The following STAM variants were observed in gnomAD, a reference collection of about 807,000 sequenced individuals.
The protein encoded by STAM is signal transducing adaptor molecule, also known as signal transducing adapter molecule 1.
Under a neutral mutation model 63.4 loss-of-function variants are expected in STAM, and 16 were observed. The observed-to-expected ratio is 0.25, with a 90% confidence interval of 0.17 to 0.38. The LOEUF (loss-of-function observed/expected upper bound fraction) is 0.38, where lower values mean the gene tolerates loss of function less well. Among genes scored for constraint, STAM ranks in the 10% least tolerant of loss-of-function variants. The probability of loss-of-function intolerance (pLI) is 1.00; values close to 1 mark genes in which losing one functional copy is unlikely to be tolerated. For missense variants in STAM, 636 were observed against 657.1 expected (o/e 0.97, Z 0.35); for synonymous variants, 238 against 223.9 (o/e 1.06, Z -0.56).
At chr10:17,687,921 C>T in intron 4 of STAM, 106 bp from the exon 5 acceptor site, 4 of 964,598 alleles carry the variant, frequency 4.1e-6, no homozygotes, top group South Asian at 5.3e-5. Flanking sequence ...CTATGCATAA[C>T]TTGTGATTCA....
chr10:17,646,071 T>C (rs1361837951), intron 1 of STAM, among the ~76,000 whole-genome samples: 4 of 152,256 alleles, frequency 2.6e-5, no homozygotes, highest in East Asian at 3.8e-4. Context: ...CTTGCCTTTA[T>C]GCTTTTGTCC....
chr10:17,692,103 A>G (rs1554826857), intron 5 of STAM, among the ~76,000 whole-genome samples: 2 of 152,144 alleles, frequency 1.3e-5, no homozygotes, highest in African/African-American at 4.8e-5. Flanking sequence ...TGTAGGTGCT[A>G]TTATCGTAGT....
At chr10:17,714,079 T>C (rs569685921) in intron 13 of STAM, among the ~76,000 whole-genome samples, 3 of 152,330 alleles carry the variant, frequency 2.0e-5, no homozygotes, top group East Asian at 1.9e-4. Flanking sequence ...CTAGGGAATC[T>C]ATCTGGCTCA....
intron 9 of STAM, among the ~76,000 whole-genome samples, chr10:17,703,487 A>T (rs781875033): frequency 6.6e-6 from 1 of 152,152 alleles, no homozygotes; most frequent in Non-Finnish European, 1.5e-5. Context: ...GTACCTATAT[A>T]TAGTAGCATA....
chr10:17,700,306 T>C (rs2131671535), intron 9 of STAM, 27 bp downstream of exon 9: 1 of 1,513,986 alleles, frequency 6.6e-7, no homozygotes, highest in East Asian at 2.3e-5. Context: ...GTGATAGGAG[T>C]TGGTACTTTG....
Position 17,714,618 on chromosome 10 carries a change from T to G in STAM, c.1461T>G (p.Thr487=), listed in dbSNP as rs782733683. The change falls in exon 14 of 14, where the codon ACT becomes ACG. Residue 487 remains threonine (T), a synonymous_variant. Coordinates refer to ENST00000377524, the MANE Select transcript of STAM (RefSeq NM_003473.4). ...APVYSPPPAA[T]AAAATADVTL... The stretch of plus-strand genomic sequence containing the variant: ...TATATAGTCCTCCTCCTGCCGCTAC[T>G]GCTGCTGCTGCAACTGCCGATGTCA... The G allele has an allele frequency of 2.5e-6, 4 of 1,599,356 alleles. No homozygotes were observed. In the African/African-American group the frequency reaches 5.3e-5, roughly 21 times the overall value.
intron 12 of STAM, among the ~76,000 whole-genome samples, chr10:17,706,865 A>G (rs1836308811): frequency 6.6e-6 from 1 of 152,192 alleles, no homozygotes; most frequent in Non-Finnish European, 1.5e-5. Context: ...ATGAACTTCT[A>G]GTTATCCTTA....
chr10:17,682,346 A>G (rs538536695), intron 2 of STAM, among the ~76,000 whole-genome samples: 10 of 152,316 alleles, frequency 6.6e-5, no homozygotes, highest in Admixed American at 2.0e-4. Flanking sequence ...TTGTGTTAAT[A>G]TATTACAATT....
chr10:17,680,589 T>C (rs781809428), intron 2 of STAM, among the ~76,000 whole-genome samples: 3 of 152,072 alleles, frequency 2.0e-5, no homozygotes, highest in Non-Finnish European at 4.4e-5. Flanking sequence ...AAATTTCTTG[T>C]AGAGACAGGG....
In STAM at chr10:17,648,876, G is replaced by A. The variant is rs189222644; in HGVS notation, c.40+4497G>A. 6.6e-5 allele frequency among the ~76,000 whole-genome samples: 10 copies of A among 152,184 alleles called. No individual in the cohort carries two copies. The East Asian group carries it at 1.5e-3, about 24-fold the overall frequency. On this transcript the variant is annotated intron_variant, in intron 1 of 13. Coordinates refer to ENST00000377524, the MANE Select transcript of STAM (RefSeq NM_003473.4). ...TTTTTTTATTGTGGCTCACAATATG[G>A]CTTCTTCCTGTGTGTCTGATATGAT...
chr10:17,664,198 T>G (rs1455701787), intron 2 of STAM, among the ~76,000 whole-genome samples: 1 of 152,040 alleles, frequency 6.6e-6, no homozygotes, highest in African/African-American at 2.4e-5. Context: ...AATAGAAAAT[T>G]TTAGGTTTCT....
chr10:17,650,453 T>A (rs79796581), intron 1 of STAM, among the ~76,000 whole-genome samples: 1 of 152,218 alleles, frequency 6.6e-6, no homozygotes, highest in Admixed American at 6.5e-5. Context: ...TCTTCTCAAT[T>A]ATGCTTTTTG....
chr10:17,684,665 A>T lies in STAM; in HGVS notation c.126-10A>T. ...TTATTAAGTAATTTTTACTTTTCTC[A>T]TTTTTTTAGACCTAAGGATTGTCTT... On this transcript the variant is annotated splice_polypyrimidine_tract_variant and intron_variant, in intron 2 of 13. Coordinates refer to ENST00000377524, the MANE Select transcript of STAM (RefSeq NM_003473.4). 6.2e-7 allele frequency: 1 copy of T among 1,608,348 alleles called. No homozygotes were observed. The highest frequency in any genetic ancestry group is 1.1e-5 in the South Asian group (1 of 89,768).
At chr10:17,674,609 G>A (rs1181818993) in intron 2 of STAM, among the ~76,000 whole-genome samples, 1 of 152,114 alleles carries the variant, frequency 6.6e-6, no homozygotes, top group Non-Finnish European at 1.5e-5. Flanking sequence ...AGACCCAAAT[G>A]TACTCCACAT....
At chr10:17,713,568 A>G (rs1554830302) in intron 13 of STAM, among the ~76,000 whole-genome samples, 1 of 150,836 alleles carries the variant, frequency 6.6e-6, no homozygotes, top group South Asian at 2.1e-4. Context: ...GTGAATGGCC[A>G]CTCTACCAGT....
intron 1 of STAM, among the ~76,000 whole-genome samples, chr10:17,649,885 T>A (rs1370735324): frequency 3.3e-5 from 5 of 152,214 alleles, no homozygotes; most frequent in Non-Finnish European, 7.3e-5. Context: ...AGTGCTGGGA[T>A]TACCGATGTG....
chr10:17,712,725 G>A (rs558593956), intron 13 of STAM, among the ~76,000 whole-genome samples: 6 of 152,290 alleles, frequency 3.9e-5, no homozygotes, highest in African/African-American at 1.2e-4. Context: ...CAGTGGAAAC[G>A]CATGTATTCC....
chr10:17,672,166 G>C (rs1834666591), intron 2 of STAM, among the ~76,000 whole-genome samples: 1 of 152,114 alleles, frequency 6.6e-6, no homozygotes, highest in South Asian at 2.1e-4. Context: ...TACCTTTTCA[G>C]ATAATCTCAC....
chr10:17,681,996 CA>C (rs1450718244), intron 2 of STAM, among the ~76,000 whole-genome samples: 1 of 152,240 alleles, frequency 6.6e-6, no homozygotes, highest in Non-Finnish European at 1.5e-5. Context: ...CTTGGCCTGT[CA>C]TTTAAATAGA....
Sources: allele counts gnomAD v4.1 joint callset (sites outside exome capture counted in the v4.1 genomes callset), GRCh38; gene constraint gnomAD v4.1.1; transcripts MANE v1.5; gene names NCBI Gene and HGNC (gene_info 2026-07-23, HGNC 2026-07-21).